The following KANK1 variants were observed in gnomAD, a reference collection of about 807,000 sequenced individuals.
KANK1 encodes the protein KN motif and ankyrin repeat domains 1, also known as KN motif and ankyrin repeat domain-containing protein 1.
Under a neutral mutation model 106.2 loss-of-function variants are expected in KANK1, and 109 were observed. The ratio of observed to expected loss-of-function variants is 1.03; its 90% CI spans 0.88 to 1.20. The LOEUF is 1.20. Among genes scored for constraint, KANK1 ranks in the 50% most tolerant of loss-of-function variants. The pLI is 0.00. For missense variants in KANK1, 2,399 were observed against 1,710.7 expected (o/e 1.40, Z -7.10); for synonymous variants, 873 against 652.2 (o/e 1.34, Z -5.16).
At chr9:486,455 A>C (rs2058294584) in intron 3 of KANK1, among the ~76,000 whole-genome samples, 1 of 152,134 alleles carries the variant, frequency 6.6e-6, no homozygotes, top group African/African-American at 2.4e-5. Flanking sequence ...TAATCTTCAC[A>C]ACTGCCTTAT....
chr9:522,187 T>C (rs2059583782), intron 1 of KANK1, among the ~76,000 whole-genome samples: 1 of 151,874 alleles, frequency 6.6e-6, no homozygotes, highest in African/African-American at 2.4e-5. Flanking sequence ...TATTTACTAA[T>C]TTAGGTCTCA....
At chr9:473,944 C>T (rs1157421726) in intron 3 of KANK1, among the ~76,000 whole-genome samples, 1 of 149,852 alleles carries the variant, frequency 6.7e-6, no homozygotes, top group Non-Finnish European at 1.5e-5. Flanking sequence ...GTGATCTGCC[C>T]ACCTCGGCCT....
chr9:656,365 T>G (rs1842144776), intron 1 of KANK1, among the ~76,000 whole-genome samples: 1 of 152,158 alleles, frequency 6.6e-6, no homozygotes, highest in African/African-American at 2.4e-5. Context: ...CAGCTGAACA[T>G]GGCAGAAGTG....
intron 2 of KANK1, among the ~76,000 whole-genome samples, chr9:686,084 T>C (rs948357558): frequency 3.9e-5 from 6 of 152,214 alleles, no homozygotes; most frequent in Non-Finnish European, 5.9e-5. Flanking sequence ...CAGTAACTTA[T>C]ATGCCCAGTG....
At chr9:684,615 T>A in intron 2 of KANK1, 1 of 981,934 alleles carries the variant, frequency 1.0e-6, no homozygotes, top group Non-Finnish European at 1.2e-6. Flanking sequence ...ACTTCCCCTC[T>A]TTCTTGAATG....
At chr9:656,998 A>G (rs1342083559) in intron 1 of KANK1, among the ~76,000 whole-genome samples, 1 of 152,076 alleles carries the variant, frequency 6.6e-6, no homozygotes, top group Middle Eastern at 3.2e-3. Flanking sequence ...GAACTTTTCC[A>G]TTTCACATGA....
chr9:619,299 G>A (rs1832596259), intron 1 of KANK1, among the ~76,000 whole-genome samples: 3 of 152,162 alleles, frequency 2.0e-5, no homozygotes, highest in African/African-American at 7.2e-5. Context: ...CCATCACACT[G>A]TTTAGTTTAT....
chr9:561,536 A>G (rs1816444591), intron 1 of KANK1, among the ~76,000 whole-genome samples: 1 of 152,232 alleles, frequency 6.6e-6, no homozygotes, highest in Non-Finnish European at 1.5e-5. Flanking sequence ...TCCTTAGGAC[A>G]AATTCTTAGC....
chr9:583,837 C>T (rs1475359699), intron 1 of KANK1, among the ~76,000 whole-genome samples: 1 of 151,652 alleles, frequency 6.6e-6, no homozygotes, highest in Non-Finnish European at 1.5e-5. Flanking sequence ...AGAACATGAA[C>T]AAGAGTGTAA....
intron 7 of KANK1, among the ~76,000 whole-genome samples, chr9:736,197 G>A (rs113051672): frequency 7.0e-4 from 106 of 152,240 alleles, no homozygotes; most frequent in African/African-American, 2.0e-3. Context: ...TGACCTCGTG[G>A]TCCGCCCATC....
At chr9:616,215 G>A (rs774943356) in intron 1 of KANK1, among the ~76,000 whole-genome samples, 22 of 152,122 alleles carry the variant, frequency 1.4e-4, no homozygotes, top group Non-Finnish European at 2.8e-4. Context: ...AATTTTATCC[G>A]GTCCTACCTT....
At chr9:507,055 T>C (rs1346911627) in intron 1 of KANK1, among the ~76,000 whole-genome samples, 2 of 152,038 alleles carry the variant, frequency 1.3e-5, no homozygotes, top group Non-Finnish European at 2.9e-5. Flanking sequence ...TCACTCACCC[T>C]TCAATAAGAA....
At chr9:516,830 TAGC>T (rs907046598) in intron 1 of KANK1, among the ~76,000 whole-genome samples, 2 of 151,716 alleles carry the variant, frequency 1.3e-5, no homozygotes, top group African/African-American at 4.9e-5. Context: ...TATAGTGGCT[TAGC>T]AGCCCGCTGG....
chr9:471,025 G>T (rs2058009816), intron 2 of KANK1: 1 of 152,196 alleles, frequency 6.6e-6, no homozygotes, highest in Non-Finnish European at 1.5e-5. Context: ...GTTTTGCAAG[G>T]AGCCGGTCAT....
chr9:694,595 G>A (rs1015623568), intron 2 of KANK1, among the ~76,000 whole-genome samples: 1 of 152,170 alleles, frequency 6.6e-6, no homozygotes, highest in Non-Finnish European at 1.5e-5. Flanking sequence ...CACTGGAGAA[G>A]AGGGCCACTG....
intron 2 of KANK1, among the ~76,000 whole-genome samples, chr9:702,195 A>G (rs1182160366): frequency 1.3e-5 from 2 of 148,792 alleles, no homozygotes; most frequent in African/African-American, 5.0e-5. Flanking sequence ...GAGGAAATGG[A>G]CTCTGTGACC....
intron 1 of KANK1, among the ~76,000 whole-genome samples, chr9:561,240 C>T (rs961124526): frequency 6.6e-5 from 10 of 152,106 alleles, no homozygotes; most frequent in Non-Finnish European, 1.5e-4. Flanking sequence ...TTTTCTATTT[C>T]AATCAATTAA....
intron 1 of KANK1, among the ~76,000 whole-genome samples, chr9:571,773 A>G (rs1405841475): frequency 6.6e-6 from 1 of 152,224 alleles, no homozygotes; most frequent in East Asian, 1.9e-4. Context: ...TCTGTCATTT[A>G]TCAGAAAAGT....
Position 599,850 on chromosome 9 carries a change from TG to T in KANK1, c.-83-77039del, listed in dbSNP as rs1281008554. Among the ~76,000 whole-genome samples the T allele has an allele frequency of 5.9e-5, 9 of 151,956 alleles. No individual in the cohort carries two copies. The Middle Eastern group carries it at 0.017, about 287-fold the overall frequency. ...AGGCAGTCATGGAACCAGTCCTCCT[TG>T]TATATCGAGGGATGACTGTACTTTG... On this transcript the variant is annotated intron_variant, in intron 1 of 11. Coordinates refer to ENST00000382297, the MANE Select transcript of KANK1 (RefSeq NM_015158.5).
Sources: allele counts gnomAD v4.1 joint callset (sites outside exome capture counted in the v4.1 genomes callset), GRCh38; gene constraint gnomAD v4.1.1; transcripts MANE v1.5; gene names NCBI Gene and HGNC (gene_info 2026-07-23, HGNC 2026-07-21).